Variants in CDH4 observed in about 807,000 individuals in gnomAD.
The protein encoded by CDH4 is cadherin-4.
A neutral mutation model predicts 86.0 loss-of-function variants in CDH4; 33 were observed. The ratio of observed to expected loss-of-function variants is 0.38; its 90% confidence interval spans 0.29 to 0.51. The LOEUF (loss-of-function observed/expected upper bound fraction) is 0.51, where lower values mean the gene tolerates loss of function less well. CDH4 is among the 20% of genes least tolerant of loss of function. The pLI, the probability that CDH4 is intolerant of heterozygous loss-of-function variation, is 0.86. For missense variants in CDH4, 1,114 were observed against 1,307.4 expected (o/e 0.85, Z 2.28); for synonymous variants, 555 against 549.4 (o/e 1.01, Z -0.14).
chr20:61,504,845 T>TTCCATACCCGTACACGCGTCCTCA (rs1431797824), intron 2 of CDH4, among the ~76,000 whole-genome samples: 8 of 152,214 alleles, frequency 5.3e-5, no homozygotes, highest in Non-Finnish European at 8.8e-5. Flanking sequence ...CACGCTCCGC[T>TTCCATACCCGTACACGCGTCCTCA]TCCATACCCG....
At chr20:61,289,410 G>T (rs183367493) in intron 2 of CDH4, among the ~76,000 whole-genome samples, 1 of 152,208 alleles carries the variant, frequency 6.6e-6, no homozygotes, top group Non-Finnish European at 1.5e-5. Flanking sequence ...CTCTGGGGGA[G>T]GCTGTTTCTG....
rs2085768469 is a variant in CDH4 at position 61,510,034 on chromosome 20, C to T, written c.170-233529C>T. 1.3e-5 allele frequency among the ~76,000 whole-genome samples: 2 copies of T among 152,190 alleles called. No homozygotes were observed. The highest frequency in any genetic ancestry group is 1.5e-5 in the Non-Finnish European group (1 of 68,048). ...GCTGGTTCATGTCATTTGGAGATGG[C>T]TGTAAATATCAGCTGCATCTATATT... On this transcript the variant is annotated intron_variant, in intron 2 of 15. Transcript: ENST00000614565. This position sits in a 1 kb window ranked among gnomAD's most constrained non-coding sequence, Gnocchi z 4.2.
intron 2 of CDH4, among the ~76,000 whole-genome samples, chr20:61,477,659 G>GCGAATCC (rs1489384796): frequency 6.6e-6 from 1 of 152,204 alleles, no homozygotes; most frequent in Non-Finnish European, 1.5e-5. Context: ...GCTTATCAAA[G>GCGAATCC]CCGTGGTCCT....
chr20:61,769,472 G>A (rs1460062770), intron 3 of CDH4, among the ~76,000 whole-genome samples: 3 of 152,196 alleles, frequency 2.0e-5, no homozygotes, highest in Admixed American at 6.5e-5. Flanking sequence ...TGGGAAGATC[G>A]ATTTCCGCCC....
At chr20:61,758,218 G>A (rs1455926105) in intron 3 of CDH4, among the ~76,000 whole-genome samples, 1 of 152,142 alleles carries the variant, frequency 6.6e-6, no homozygotes, top group Non-Finnish European at 1.5e-5. Context: ...CATCCAAGTT[G>A]AGAGGTGATG....
chr20:61,822,012 T>A (rs1042470236), intron 4 of CDH4, among the ~76,000 whole-genome samples: 3 of 152,268 alleles, frequency 2.0e-5, no homozygotes, highest in African/African-American at 7.2e-5. Context: ...GTGATGGGTC[T>A]GAAAGTGATT....
At chr20:61,478,595 C>T (rs933329415) in intron 2 of CDH4, among the ~76,000 whole-genome samples, 1 of 151,882 alleles carries the variant, frequency 6.6e-6, no homozygotes, top group East Asian at 1.9e-4. Context: ...TTTATGAGTG[C>T]CTGATGTGTG....
In CDH4 at chr20:61,902,291, G is replaced by A. The variant is rs1351932328; in HGVS notation, c.1188+7244G>A. On this transcript the variant is annotated intron_variant, in intron 8 of 15. Transcript: ENST00000614565. The surrounding 1 kb of genome is among the most constrained non-coding windows in gnomAD (Gnocchi z 4.6). The stretch of plus-strand genomic sequence containing the variant: ...CGGGGCCTCTGAAACCAGGACCCCC[G>A]GGGCCTCCATTCCAGGAGAAGCAGC... Among the ~76,000 whole-genome samples, 5 of 152,218 alleles carry A rather than the reference G, an allele frequency of 3.3e-5. No individual in the cohort carries two copies. The highest frequency in any genetic ancestry group is 2.1e-4 in the South Asian group (1 of 4,832).
At chr20:61,861,436 A>C (rs1983317553) in intron 6 of CDH4, among the ~76,000 whole-genome samples, 1 of 152,194 alleles carries the variant, frequency 6.6e-6, no homozygotes. Flanking sequence ...GTAACAGTAA[A>C]GACCCACAGC....
intron 2 of CDH4, among the ~76,000 whole-genome samples, chr20:61,502,445 C>A (rs1252731611): frequency 6.6e-6 from 1 of 152,166 alleles, no homozygotes; most frequent in Non-Finnish European, 1.5e-5. Flanking sequence ...GGTGTAGCCA[C>A]TGGTTCAAGA....
At position 61,802,197 on chromosome 20, in the gene CDH4, C is replaced by A. The variant is rs533934676; in HGVS notation, c.576+29015C>A. Among the ~76,000 whole-genome samples the A allele has an allele frequency of 1.1e-4, 17 of 152,340 alleles. No homozygotes were observed. In the South Asian group the frequency reaches 3.3e-3, roughly 30 times the overall value. Reference sequence around the variant, plus strand: ...CAGACCCCTCCTCGGCTTCATTCAGCCCCTGTGGCAGCCCCAGAAAGGGCG... The same window carrying A: ...CAGACCCCTCCTCGGCTTCATTCAGACCCTGTGGCAGCCCCAGAAAGGGCG... On this transcript the variant is annotated intron_variant, in intron 4 of 15. Transcript: ENST00000614565.
intron 2 of CDH4, among the ~76,000 whole-genome samples, chr20:61,598,826 T>A (rs2145741554): frequency 6.6e-6 from 1 of 152,200 alleles, no homozygotes; most frequent in African/African-American, 2.4e-5. Flanking sequence ...GTGGTCGGAG[T>A]ACCCGAGGCC....
rs191656842 is a variant in CDH4 at position 61,391,033 on chromosome 20, G to C, written c.169+136096G>C. Reference sequence around the variant, plus strand: ...GGGGAAGAGGAGGCAGTGCCGCAGTGGGGGGTAGCCTGACCACAGCACACT... The same window carrying C: ...GGGGAAGAGGAGGCAGTGCCGCAGTCGGGGGTAGCCTGACCACAGCACACT... On this transcript the variant is annotated intron_variant, in intron 2 of 15. Coordinates refer to ENST00000614565, the MANE Select transcript of CDH4 (RefSeq NM_001794.5). 1.6e-3 allele frequency among the ~76,000 whole-genome samples: 247 copies of C among 152,298 alleles called. 4 individuals carry two copies. Among genetic ancestry groups the C allele is most frequent in the Non-Finnish European group, 1.0e-4 (7 of 68,022 alleles).
intron 2 of CDH4, among the ~76,000 whole-genome samples, chr20:61,475,630 C>T (rs143062995): frequency 4.9e-4 from 14 of 28,338 alleles, no homozygotes; most frequent in South Asian, 3.4e-3. Flanking sequence ...TGTCTCTCTC[C>T]TTGCCCCTCC....
intron 4 of CDH4, among the ~76,000 whole-genome samples, chr20:61,791,545 G>A (rs953089641): frequency 2.6e-5 from 4 of 152,226 alleles, no homozygotes; most frequent in African/African-American, 9.6e-5. Flanking sequence ...ACTCAGTCAC[G>A]GTTCCTGTCC....
At chr20:61,439,305 C>T (rs943125842) in intron 2 of CDH4, among the ~76,000 whole-genome samples, 1 of 125,160 alleles carries the variant, frequency 8.0e-6, no homozygotes. Context: ...TGTGACAAAA[C>T]AAACCCCTCA....
intron 2 of CDH4, among the ~76,000 whole-genome samples, chr20:61,671,521 A>G (rs1568746442): frequency 1.3e-5 from 2 of 152,056 alleles, no homozygotes. Flanking sequence ...AAGTGGATGG[A>G]TAGATGGACA....
chr20:61,664,226 C>A (rs2087296830), intron 2 of CDH4, among the ~76,000 whole-genome samples: 1 of 152,230 alleles, frequency 6.6e-6, no homozygotes, highest in Non-Finnish European at 1.5e-5. Context: ...AAGGCAGACC[C>A]TGGGCCTGTC....
Position 61,393,338 on chromosome 20 carries a change from C to G in CDH4, c.169+138401C>G, listed in dbSNP as rs1041026715. ...GGTCTTCCAGTGGTGTGGGGGACAGCAGCCGGGGGGGGCCGGGGTCTTCCT... is the reference window on the plus strand; with the variant it reads ...GGTCTTCCAGTGGTGTGGGGGACAGGAGCCGGGGGGGGCCGGGGTCTTCCT... On this transcript the variant is annotated intron_variant, in intron 2 of 15. Coordinates refer to ENST00000614565, the MANE Select transcript of CDH4 (RefSeq NM_001794.5). The surrounding 1 kb of genome is among the most constrained non-coding windows in gnomAD (Gnocchi z 4.3). 6.6e-6 allele frequency among the ~76,000 whole-genome samples: 1 copy of G among 150,472 alleles called. No individual in the cohort carries two copies. The highest frequency in any genetic ancestry group is 1.5e-5 in the Non-Finnish European group (1 of 67,646).
Sources: allele counts gnomAD v4.1 joint callset (sites outside exome capture counted in the v4.1 genomes callset), GRCh38; gene constraint gnomAD v4.1.1; non-coding constraint Gnocchi (gnomAD v3.1); transcripts MANE v1.5; gene names NCBI Gene and HGNC (gene_info 2026-07-23, HGNC 2026-07-21).